Variants in PTGIS observed in about 807,000 individuals in gnomAD.
PTGIS encodes the protein prostacyclin synthase.
In PTGIS, 45 loss-of-function variants were observed where a neutral mutation model predicts 50.3. The observed-to-expected ratio is 0.90, with a 90% CI of 0.70 to 1.15. The LOEUF is 1.15. PTGIS is among the 50% of genes most tolerant of loss of function. The pLI, the probability that PTGIS is intolerant of heterozygous loss-of-function variation, is 0.00. For missense variants in PTGIS, 668 were observed against 661.3 expected (o/e 1.01, Z -0.11); for synonymous variants, 260 against 267.7 (o/e 0.97, Z 0.28).
rs1196329184 is a variant in PTGIS, at chr20:49,506,786, G to A, written c.*1134C>T. 2.0e-5 allele frequency: 3 copies of A among 152,222 alleles called. No individual in the cohort carries two copies. Among genetic ancestry groups the A allele is most frequent in the Non-Finnish European group, 4.4e-5 (3 of 68,070 alleles). 9.4% of individuals were successfully genotyped at this position (152,222 alleles called of 1,614,324 possible). A position where few individuals can be genotyped will look rare whatever the true frequency, so the allele number is the denominator to read the frequency against. On this transcript the variant is annotated 3_prime_UTR_variant, in exon 10 of 10. Transcript: ENST00000244043. The stretch of plus-strand genomic sequence containing the variant: ...TGTCACTTCTAAGAGTTAGAACAGG[G>A]TCTCACACTCAGATGCCTTCAGGTC...
At chr20:49,530,235 C>T (rs1181160612) in intron 5 of PTGIS, among the ~76,000 whole-genome samples, 3 of 152,132 alleles carry the variant, frequency 2.0e-5, no homozygotes, top group African/African-American at 7.2e-5. Flanking sequence ...TCAGTACCAC[C>T]CATGGTTCCT....
chr20:49,510,042 C>T (rs1223785399), intron 9 of PTGIS, among the ~76,000 whole-genome samples: 1 of 151,872 alleles, frequency 6.6e-6, no homozygotes, highest in Non-Finnish European at 1.5e-5. Flanking sequence ...GCACGCTCCA[C>T]CACACCCGGC....
At chr20:49,520,043 C>T (rs1193053344) in intron 6 of PTGIS, among the ~76,000 whole-genome samples, 1 of 151,776 alleles carries the variant, frequency 6.6e-6, no homozygotes, top group East Asian at 1.9e-4. Context: ...TCTTCCTCTG[C>T]TCAGAGCCCT....
intron 6 of PTGIS, among the ~76,000 whole-genome samples, chr20:49,519,354 T>C: frequency 6.6e-6 from 1 of 152,036 alleles, no homozygotes; most frequent in Non-Finnish European, 1.5e-5. Flanking sequence ...TGGCCCAGGG[T>C]AAGTGCTCAG....
intron 3 of PTGIS, among the ~76,000 whole-genome samples, chr20:49,545,077 G>A (rs933849570): frequency 1.3e-5 from 2 of 152,142 alleles, no homozygotes; most frequent in African/African-American, 4.8e-5. Flanking sequence ...TTCAAGACCA[G>A]CCTGGGCAAC....
chr20:49,522,380 A>G (rs1404849620), intron 6 of PTGIS, among the ~76,000 whole-genome samples: 1 of 151,876 alleles, frequency 6.6e-6, no homozygotes, highest in Non-Finnish European at 1.5e-5. Flanking sequence ...TACTCTACAT[A>G]TCATCATCTA....
intron 1 of PTGIS, among the ~76,000 whole-genome samples, chr20:49,558,834 C>T (rs190457367): frequency 9.8e-4 from 149 of 152,134 alleles, no homozygotes; most frequent in Non-Finnish European, 1.5e-3. Context: ...CTGCCTCAGC[C>T]TCCCAAGTAG....
chr20:49,515,914 T>C (rs1981461233), intron 6 of PTGIS, among the ~76,000 whole-genome samples: 2 of 151,914 alleles, frequency 1.3e-5, no homozygotes, highest in Non-Finnish European at 2.9e-5. Context: ...AGGGTCTTGC[T>C]CTGTCACCCA....
chr20:49,531,698 C>G (rs1163636475), intron 5 of PTGIS, among the ~76,000 whole-genome samples: 3 of 152,112 alleles, frequency 2.0e-5, no homozygotes, highest in African/African-American at 7.2e-5. Flanking sequence ...CGTAGTCTGG[C>G]TCACTGCACC....
chr20:49,567,925 C>G lies in PTGIS; in HGVS notation c.74+118G>C. ...CCACCTCCGAGGGTCTCGCCTTGCCCGGGATACTGGAGCGGGACTCGGGCC... is the reference window on the plus strand; with the variant it reads ...CCACCTCCGAGGGTCTCGCCTTGCCGGGGATACTGGAGCGGGACTCGGGCC... On this transcript the variant is annotated intron_variant, in intron 1 of 9. Coordinates refer to ENST00000244043, the MANE Select transcript of PTGIS (RefSeq NM_000961.4). 7 of 980,830 alleles carry G rather than the reference C, an allele frequency of 7.1e-6. 1 individual carries two copies. The South Asian group carries it at 1.3e-4, about 18-fold the overall frequency. The allele number at this position is 980,830 out of a possible 1,614,324, so 60.8% of individuals were successfully genotyped here.
intron 2 of PTGIS, 121 bp from the exon 3 acceptor site, chr20:49,548,140 C>G: frequency 1.1e-6 from 1 of 918,062 alleles, no homozygotes; most frequent in Non-Finnish European, 1.7e-6. Context: ...ACTATGTTCT[C>G]TTATCTATGC....
In PTGIS at chr20:49,548,026, G is replaced by T; in HGVS notation, c.199-7C>A. The T allele has an allele frequency of 6.2e-7, 1 of 1,613,668 alleles. No individual in the cohort carries two copies. Among genetic ancestry groups the T allele is most frequent in the Non-Finnish European group, 8.5e-7 (1 of 1,179,756 alleles). On this transcript the variant is annotated splice_polypyrimidine_tract_variant and splice_region_variant and intron_variant, in intron 2 of 9. Transcript: ENST00000244043. ...ACCTGCCCCCAACCAGTATCTGTGG[G>T]AAGTTGCCAGGGATAGAGTGAGGAG...
chr20:49,551,318 A>C (rs1352699058), intron 1 of PTGIS, among the ~76,000 whole-genome samples: 1 of 152,222 alleles, frequency 6.6e-6, no homozygotes, highest in Non-Finnish European at 1.5e-5. Context: ...ACAGACCTTA[A>C]GTCTGATAAG....
At position 49,539,779 on chromosome 20, in the gene PTGIS, G is replaced by A. The variant is rs958312261; in HGVS notation, c.522-58C>T. The A allele has an allele frequency of 1.1e-5, 17 of 1,570,084 alleles. No homozygotes were observed. In the African/African-American group the frequency reaches 2.0e-4, roughly 19 times the overall value. ...CCTGGGACACTCATGTGTGGCCACA[G>A]CTACTCACAAGAGCTTCATTCATAC... On this transcript the variant is annotated intron_variant, in intron 4 of 9. Coordinates refer to ENST00000244043, the MANE Select transcript of PTGIS (RefSeq NM_000961.4).
intron 5 of PTGIS, among the ~76,000 whole-genome samples, chr20:49,535,815 C>A (rs980870781): frequency 6.6e-6 from 1 of 152,228 alleles, no homozygotes. Flanking sequence ...CGTGCTCGGC[C>A]AGATGTCTTG....
rs374850922 is a variant in PTGIS at position 49,550,120 on chromosome 20, T to C, written c.144A>G (p.Lys48=). 2.5e-4 allele frequency: 410 copies of C among 1,614,134 alleles called. 4 individuals carry two copies. In the South Asian group the frequency reaches 4.3e-3, roughly 17 times the overall value. The change falls in exon 2 of 10, where the codon AAA becomes AAG. Residue 48 remains lysine, a synonymous_variant. Coordinates refer to ENST00000244043, the MANE Select transcript of PTGIS (RefSeq NM_000961.4). Reference sequence around the variant, plus strand: ...TCCTCGTGAGGAAGCTGGCAGCATCTTTTCCAAAGTCCAAGGCATACCCCA... The same window carrying C: ...TCCTCGTGAGGAAGCTGGCAGCATCCTTTCCAAAGTCCAAGGCATACCCCA... ...PWLGYALDFG[K]DAASFLTRMK...
chr20:49,559,260 A>T (rs1256614012), intron 1 of PTGIS, among the ~76,000 whole-genome samples: 1 of 152,204 alleles, frequency 6.6e-6, no homozygotes. Context: ...CTTGTGGTAG[A>T]AGAGCACACC....
At position 49,540,671 on chromosome 20, in the gene PTGIS, G is replaced by T. The variant is rs951434002; in HGVS notation, c.522-950C>A. Among the ~76,000 whole-genome samples the T allele has an allele frequency of 4.6e-5, 7 of 152,074 alleles. No individual in the cohort carries two copies. Among genetic ancestry groups the T allele is most frequent in the African/African-American group, 1.7e-4 (7 of 41,396 alleles). On this transcript the variant is annotated intron_variant, in intron 4 of 9. Transcript: ENST00000244043. The surrounding 1 kb of genome is among the most constrained non-coding windows in gnomAD (Gnocchi z 4.8). ...CTCACTGAGGCACACTTACGCACAC[G>T]CACACGCACACACACAGGACCACGC...
rs201202210 is a variant in PTGIS at position 49,564,054 on chromosome 20, C to CT, written c.74+3988dup. On this transcript the variant is annotated intron_variant, in intron 1 of 9. Transcript: ENST00000244043. ...AGTTTCAAGGGGCCCACAAGCCATACTCCTAACTCTCAGCTCACCACCCTC... is the reference window on the plus strand; with the variant it reads ...AGTTTCAAGGGGCCCACAAGCCATACTTCCTAACTCTCAGCTCACCACCCTC... Among the ~76,000 whole-genome samples, 1,201 of 152,358 alleles carry CT rather than the reference C, an allele frequency of 7.9e-3. 23 individuals are homozygous for CT. The highest frequency in any genetic ancestry group is 0.028 in the African/African-American group (1,148 of 41,584).
Sources: gnomAD v4.1 joint callset for allele counts (sites outside exome capture counted in the v4.1 genomes callset) on GRCh38, gnomAD v4.1.1 for gene constraint, Gnocchi (gnomAD v3.1) non-coding constraint, MANE v1.5 for transcripts, NCBI Gene and HGNC (gene_info 2026-07-23, HGNC 2026-07-21) for gene names.